WWOX: variants seen among roughly 807,000 people sequenced by gnomAD.
WWOX encodes the protein WW domain containing oxidoreductase, also known as WW domain-containing oxidoreductase.
In WWOX, 69 loss-of-function variants were observed where a neutral mutation model predicts 46.2. That is an observed-to-expected ratio of 1.49 (90% CI 1.23 to 1.82). WWOX has a LOEUF of 1.82. WWOX is among the 40% of genes most tolerant of loss of function. WWOX has a pLI of 0.00. For missense variants in WWOX, 919 were observed against 542.6 expected, an observed-to-expected ratio of 1.69 and a Z score of -6.89; for synonymous variants, 359 against 202.6, an observed-to-expected ratio of 1.77 and a Z score of -6.56.
At chr16:78,863,920 A>G (rs1416427829) in intron 8 of WWOX, among the ~76,000 whole-genome samples, 1 of 152,002 alleles carries the variant, frequency 6.6e-6, no homozygotes, top group Non-Finnish European at 1.5e-5. Flanking sequence ...CCACAGTTGT[A>G]GCATGTCCAT....
rs1400025671 is a variant in WWOX, at chr16:78,507,776, A to G, written c.1056+75024A>G. ...TGTGCCGTGTGCTGAGCGCAGAGCC[A>G]TTCTCAGCATCCTGCCTTGATTAAT... is the stretch of plus-strand genomic sequence containing the variant. On this transcript the variant is annotated intron_variant, in intron 8 of 8. Coordinates refer to ENST00000566780, the MANE Select transcript of WWOX (RefSeq NM_016373.4). 3.9e-5 allele frequency among the ~76,000 whole-genome samples: 6 copies of G among 152,146 alleles called. No individual in the cohort carries two copies. The East Asian group carries it at 1.2e-3, about 29-fold the overall frequency.
At chr16:78,173,353 A>G (rs544443598) in intron 5 of WWOX, among the ~76,000 whole-genome samples, 4 of 152,154 alleles carry the variant, frequency 2.6e-5, no homozygotes, top group Admixed American at 6.5e-5. Context: ...CAGTGGCACA[A>G]TGATGGTTCA....
chr16:78,956,871 A>G (rs1344160770), intron 8 of WWOX, among the ~76,000 whole-genome samples: 1 of 152,180 alleles, frequency 6.6e-6, no homozygotes, highest in Non-Finnish European at 1.5e-5. Flanking sequence ...TCAAACATGT[A>G]GGCTTGAGCC....
At chr16:78,640,357 C>G (rs1232895562) in intron 8 of WWOX, among the ~76,000 whole-genome samples, 1 of 148,276 alleles carries the variant, frequency 6.7e-6, no homozygotes, top group Non-Finnish European at 1.5e-5. Context: ...TGGAGTGCCA[C>G]TCAAGTCGGC....
chr16:78,790,336 T>G (rs1364561259), intron 8 of WWOX, among the ~76,000 whole-genome samples: 2 of 151,802 alleles, frequency 1.3e-5, no homozygotes, highest in African/African-American at 4.9e-5. Flanking sequence ...GGTTTCATCA[T>G]GTTGGCCAGG....
At chr16:78,689,452 T>G (rs1222367569) in intron 8 of WWOX, among the ~76,000 whole-genome samples, 1 of 152,206 alleles carries the variant, frequency 6.6e-6, no homozygotes, top group African/African-American at 2.4e-5. Flanking sequence ...AAACTTTAGC[T>G]CAGCTCCTCA....
At chr16:78,979,687 G>A (rs1461217271) in intron 8 of WWOX, among the ~76,000 whole-genome samples, 1 of 152,136 alleles carries the variant, frequency 6.6e-6, no homozygotes, top group African/African-American at 2.4e-5. Flanking sequence ...CTCAGAGCCT[G>A]TGTAGCCGTC....
chr16:78,701,283 C>T (rs2048210826), intron 8 of WWOX, among the ~76,000 whole-genome samples: 1 of 152,064 alleles, frequency 6.6e-6, no homozygotes, highest in Non-Finnish European at 1.5e-5. Flanking sequence ...TGTTATGTTT[C>T]CTGGGCTGAT....
intron 1 of WWOX, among the ~76,000 whole-genome samples, chr16:78,105,993 G>C (rs1313884837): frequency 6.6e-6 from 1 of 152,086 alleles, no homozygotes; most frequent in Non-Finnish European, 1.5e-5. Flanking sequence ...GTAGAGATGG[G>C]GTTTTGCCAT....
At chr16:78,824,347 C>A (rs1393621404) in intron 8 of WWOX, among the ~76,000 whole-genome samples, 1 of 152,050 alleles carries the variant, frequency 6.6e-6, no homozygotes, top group African/African-American at 2.4e-5. Context: ...GTATTCAGTC[C>A]AAGCTCCTCC....
At chr16:78,308,810 C>T (rs1357636425) in intron 5 of WWOX, among the ~76,000 whole-genome samples, 1 of 152,176 alleles carries the variant, frequency 6.6e-6, no homozygotes, top group African/African-American at 2.4e-5. Flanking sequence ...ATAGTCCTTT[C>T]TACTGATGCC....
intron 7 of WWOX, 42 bp from the exon 8 acceptor site, chr16:78,432,446 G>C: frequency 6.2e-7 from 1 of 1,609,842 alleles, no homozygotes; most frequent in Non-Finnish European, 8.5e-7. Context: ...TGTGTGGGAA[G>C]TCAGAACTTG....
intron 5 of WWOX, among the ~76,000 whole-genome samples, chr16:78,240,076 C>T (rs951511639): frequency 9.9e-5 from 15 of 152,094 alleles, no homozygotes; most frequent in East Asian, 9.6e-4. Flanking sequence ...ACAGATGTAA[C>T]GTTATATGGA....
intron 8 of WWOX, among the ~76,000 whole-genome samples, chr16:78,455,961 C>T (rs1010270175): frequency 2.7e-4 from 41 of 152,250 alleles, no homozygotes; most frequent in African/African-American, 8.7e-4. Flanking sequence ...TGGCATAGGC[C>T]GGCAGTGGCT....
intron 8 of WWOX, among the ~76,000 whole-genome samples, chr16:79,053,565 A>G (rs2048208735): frequency 6.6e-6 from 1 of 152,226 alleles, no homozygotes; most frequent in South Asian, 2.1e-4. Flanking sequence ...TCTTTTTAAT[A>G]TTAGAATTAA....
chr16:78,799,142 C>G (rs1027472822), intron 8 of WWOX, among the ~76,000 whole-genome samples: 1 of 152,114 alleles, frequency 6.6e-6, no homozygotes, highest in Non-Finnish European at 1.5e-5. Flanking sequence ...GCATTTGTGT[C>G]TTATGCAAGG....
chr16:78,271,824 G>A (rs756153519), intron 5 of WWOX, among the ~76,000 whole-genome samples: 4 of 152,202 alleles, frequency 2.6e-5, no homozygotes, highest in Non-Finnish European at 5.9e-5. Flanking sequence ...ATGTGAGGTA[G>A]GGTAGGACAT....
At chr16:78,998,994 C>T (rs980040601) in intron 8 of WWOX, among the ~76,000 whole-genome samples, 3 of 152,158 alleles carry the variant, frequency 2.0e-5, no homozygotes, top group Non-Finnish European at 4.4e-5. Flanking sequence ...GATGTAACAG[C>T]GGAATATTCC....
At chr16:79,087,233 T>G (rs2048870276) in intron 8 of WWOX, among the ~76,000 whole-genome samples, 1 of 152,176 alleles carries the variant, frequency 6.6e-6, no homozygotes, top group Non-Finnish European at 1.5e-5. Flanking sequence ...GTGGCATGGA[T>G]CAGTGCCTCT....
Sources: allele counts gnomAD v4.1 joint callset (sites outside exome capture counted in the v4.1 genomes callset), GRCh38; gene constraint gnomAD v4.1.1; transcripts MANE v1.5; gene names NCBI Gene and HGNC (gene_info 2026-07-23, HGNC 2026-07-21).